The following STN1 variants were observed in gnomAD, a reference collection of about 807,000 sequenced individuals.
STN1 encodes the protein CST complex subunit STN1.
STN1 carries 29 observed loss-of-function variants against 45.5 expected under a neutral mutation model. The ratio of observed to expected loss-of-function variants is 0.64; its 90% CI spans 0.47 to 0.87. The LOEUF is 0.87. STN1 is among the 40% of genes least tolerant of loss of function. The pLI is 0.00. For missense variants in STN1, 376 were observed against 441.4 expected (o/e 0.85, Z 1.33); for synonymous variants, 148 against 159.0 (o/e 0.93, Z 0.52).
rs909302572 is a variant in STN1 at position 103,880,715 on chromosome 10, G to A, written c.*1969C>T. Among the ~76,000 whole-genome samples, 1 of 152,190 alleles carries A rather than the reference G, an allele frequency of 6.6e-6. No individual in the cohort carries two copies. The highest frequency in any genetic ancestry group is 2.4e-5 in the African/African-American group (1 of 41,448). ...AGATGGTATAATCCATGTGGCTGCT[G>A]GAGACACCCCAGTGAGCAAGCCAGA... On this transcript the variant is annotated 3_prime_UTR_variant, in exon 10 of 10. Transcript: ENST00000224950.
intron 3 of STN1, 21 bp from the exon 4 acceptor site, chr10:103,905,177 G>A: frequency 6.2e-7 from 1 of 1,610,440 alleles, no homozygotes; most frequent in South Asian, 1.1e-5. Flanking sequence ...AAAGCAAAAG[G>A]GTATAAGAGA....
chr10:103,892,076 A>G, intron 8 of STN1, 54 bp downstream of exon 8: 3 of 1,364,920 alleles, frequency 2.2e-6, no homozygotes, highest in Non-Finnish European at 3.0e-6. Context: ...TAAGTAATAA[A>G]TATATTTGTA....
Position 103,917,580 on chromosome 10 carries a change from G to A in STN1, c.15C>T (p.Ser5=), listed in dbSNP as rs1428222516. 2 of 1,613,926 alleles carry A rather than the reference G, an allele frequency of 1.2e-6. No individual in the cohort carries two copies. Among genetic ancestry groups the A allele is most frequent in the Non-Finnish European group, 1.7e-6 (2 of 1,179,948 alleles). The change falls in exon 2 of 10, where the codon TCC becomes TCT. Residue 5 remains serine, a synonymous_variant. Coordinates refer to ENST00000224950, the MANE Select transcript of STN1 (RefSeq NM_024928.5). ...AAGGGGTCTCCTCTTCACACCGGCT[G>A]GATCCAGGCTGCATCAAGAGGCAGG... MQPG[S]SRCEEETPSL... is the part of the protein sequence containing the mutation.
rs912371205 is a variant in STN1, at chr10:103,911,027, T to TC, written c.134-406dup. ...AGGCTTCTTTGGCTTTTTTTTTTTT[T>TC]CAAACAAGTGCTTTTCTAAGAAACC... On this transcript the variant is annotated intron_variant, in intron 2 of 9. Transcript: ENST00000224950. Among the ~76,000 whole-genome samples the TC allele has an allele frequency of 8.0e-5, 12 of 150,748 alleles. No homozygotes were observed. In the South Asian group the frequency reaches 1.3e-3, roughly 16 times the overall value.
intron 9 of STN1, among the ~76,000 whole-genome samples, chr10:103,884,214 C>T (rs1054010600): frequency 5.3e-5 from 8 of 151,486 alleles, no homozygotes; most frequent in Middle Eastern, 6.9e-3. Context: ...AATCAACTCT[C>T]TGCTTGTATT....
chr10:103,910,637 A>T lies in STN1; in HGVS notation c.134-15T>A. The T allele has an allele frequency of 6.9e-7, 1 of 1,457,206 alleles. No homozygotes were observed. Among genetic ancestry groups the T allele is most frequent in the Non-Finnish European group, 9.6e-7 (1 of 1,040,588 alleles). The allele number at this position is 1,457,206 out of a possible 1,614,324, so 90.3% of individuals were successfully genotyped here. A position where few individuals can be genotyped will look rare whatever the true frequency, so the allele number is the denominator to read the frequency against. On this transcript the variant is annotated splice_polypyrimidine_tract_variant and intron_variant, in intron 2 of 9. Transcript: ENST00000224950. The stretch of plus-strand genomic sequence containing the variant: ...CAAAAATACACCTAAAATTTAAAAA[A>T]AGCAAAGTCGACATAATGTATGATT...
intron 2 of STN1, among the ~76,000 whole-genome samples, chr10:103,914,358 A>ATT (rs1564636116): frequency 7.8e-5 from 1 of 12,794 alleles, no homozygotes; most frequent in African/African-American, 1.6e-4. Context: ...ATATATATAT[A>ATT]TATATATATA....
At chr10:103,895,742 A>T (rs905924459) in intron 7 of STN1, among the ~76,000 whole-genome samples, 2 of 152,246 alleles carry the variant, frequency 1.3e-5, no homozygotes, top group Non-Finnish European at 2.9e-5. Flanking sequence ...GTGACTCAGT[A>T]TCTGTTCCAC....
At chr10:103,893,198 A>AGTCTCT (rs1169330409) in intron 7 of STN1, among the ~76,000 whole-genome samples, 1 of 151,840 alleles carries the variant, frequency 6.6e-6, no homozygotes, top group Non-Finnish European at 1.5e-5. Flanking sequence ...TTTGAGACAG[A>AGTCTCT]GTCTCTGTCG....
intron 8 of STN1, among the ~76,000 whole-genome samples, 184 bp from the exon 9 acceptor site, chr10:103,889,328 G>A (rs1452355387): frequency 6.6e-6 from 1 of 152,108 alleles, no homozygotes; most frequent in Non-Finnish European, 1.5e-5. Context: ...CAGAGGACAC[G>A]TCCTTGGGAG....
At chr10:103,904,855 T>G (rs1304627441) in intron 4 of STN1, among the ~76,000 whole-genome samples, 1 of 152,210 alleles carries the variant, frequency 6.6e-6, no homozygotes, top group African/African-American at 2.4e-5. Context: ...ATTCACATTC[T>G]TGTAGGCTTA....
At chr10:103,896,855 T>C (rs185985017) in intron 7 of STN1, among the ~76,000 whole-genome samples, 1 of 152,138 alleles carries the variant, frequency 6.6e-6, no homozygotes, top group African/African-American at 2.4e-5. Flanking sequence ...TTAATCTTAT[T>C]ATGCTTAATA....
Position 103,905,164 on chromosome 10 carries a change from A to G in STN1, c.230-8T>C. On this transcript the variant is annotated splice_polypyrimidine_tract_variant and splice_region_variant and intron_variant, in intron 3 of 9. Transcript: ENST00000224950. ...CTCCAGTGCTGTCATCCACTGCAAG[A>G]GAAAAGCAAAAGGGTATAAGAGAGA... 1 of 1,613,686 alleles carries G rather than the reference A, an allele frequency of 6.2e-7. No individual in the cohort carries two copies. Among genetic ancestry groups the G allele is most frequent in the Non-Finnish European group, 8.5e-7 (1 of 1,179,584 alleles).
chr10:103,910,663 A>C, intron 2 of STN1, 41 bp from the exon 3 acceptor site: 1 of 1,112,042 alleles, frequency 9.0e-7, no homozygotes, highest in Non-Finnish European at 1.4e-6. Context: ...ATGTATGATT[A>C]CATTTTCTGC....
rs759814531 is a variant in STN1 at position 103,878,993 on chromosome 10, C to T, written c.*3691G>A. 4 of 152,260 alleles carry T rather than the reference C, an allele frequency of 2.6e-5. No homozygotes were observed. The highest frequency in any genetic ancestry group is 5.9e-5 in the Non-Finnish European group (4 of 68,110). 9.4% of individuals were successfully genotyped at this position (152,260 alleles called of 1,614,324 possible). A position where few individuals can be genotyped will look rare whatever the true frequency, so the allele number is the denominator to read the frequency against. ...AAAGAGTATGGAACGTGTGCCTCAGCAATGCTTACCTGAGGGCGAGGGAGC... is the reference window on the plus strand; with the variant it reads ...AAAGAGTATGGAACGTGTGCCTCAGTAATGCTTACCTGAGGGCGAGGGAGC... On this transcript the variant is annotated 3_prime_UTR_variant, in exon 10 of 10. Coordinates refer to ENST00000224950, the MANE Select transcript of STN1 (RefSeq NM_024928.5).
intron 9 of STN1, among the ~76,000 whole-genome samples, chr10:103,885,908 G>T (rs1843100145): frequency 6.6e-6 from 1 of 152,126 alleles, no homozygotes; most frequent in Non-Finnish European, 1.5e-5. Context: ...ATTTTCCCAA[G>T]AACTTTCACA....
intron 9 of STN1, 64 bp downstream of exon 9, chr10:103,889,008 C>G: frequency 1.7e-6 from 2 of 1,154,778 alleles, no homozygotes; most frequent in African/African-American, 1.5e-5. Flanking sequence ...CCATCCAGTG[C>G]TCCCCGGGAG....
At chr10:103,895,516 C>T (rs973459369) in intron 7 of STN1, among the ~76,000 whole-genome samples, 4 of 152,296 alleles carry the variant, frequency 2.6e-5, no homozygotes, top group Non-Finnish European at 4.4e-5. Context: ...TGCTGTCAGC[C>T]GACAGCTGGA....
At chr10:103,890,240 G>C (rs1272939264) in intron 8 of STN1, among the ~76,000 whole-genome samples, 3 of 152,160 alleles carry the variant, frequency 2.0e-5, no homozygotes, top group African/African-American at 7.2e-5. Flanking sequence ...TTACTGGAGG[G>C]GGCATCTTGA....
Sources: allele counts gnomAD v4.1 joint callset (sites outside exome capture counted in the v4.1 genomes callset), GRCh38; gene constraint gnomAD v4.1.1; transcripts MANE v1.5; gene names NCBI Gene and HGNC (gene_info 2026-07-23, HGNC 2026-07-21).